PLD5: variants seen among roughly 807,000 people sequenced by gnomAD.
PLD5 encodes the protein phospholipase D family member 5.
PLD5 carries 36 observed loss-of-function variants against 61.1 expected under a neutral mutation model. The ratio of observed to expected loss-of-function variants is 0.59; its 90% CI spans 0.45 to 0.78. The LOEUF is 0.78. PLD5 is among the 30% of genes least tolerant of loss of function. The pLI, the probability that PLD5 is intolerant of heterozygous loss-of-function variation, is 0.00. For missense variants in PLD5, 515 were observed against 644.4 expected, an observed-to-expected ratio of 0.80 and a Z score of 2.17; for synonymous variants, 243 against 242.8, an observed-to-expected ratio of 1.00 and a Z score of -0.01.
At chr1:242,207,991 T>TACAAAC (rs1669547057) in intron 5 of PLD5, among the ~76,000 whole-genome samples, 1 of 40,286 alleles carries the variant, frequency 2.5e-5, no homozygotes, top group African/African-American at 1.5e-4. Flanking sequence ...TATATATTTA[T>TACAAAC]ACACACACAC....
intron 5 of PLD5, among the ~76,000 whole-genome samples, chr1:242,207,730 T>G: frequency 7.4e-6 from 1 of 135,628 alleles, no homozygotes; most frequent in Admixed American, 8.7e-5. Context: ...TTTATGGAAA[T>G]CGATGTTTTA....
intron 5 of PLD5, among the ~76,000 whole-genome samples, chr1:242,175,632 T>G (rs1320635042): frequency 6.6e-6 from 1 of 152,170 alleles, no homozygotes; most frequent in African/African-American, 2.4e-5. Context: ...TAAAGCGTAT[T>G]CAAATAGGAA....
At chr1:242,439,341 G>A (rs965116765) in intron 1 of PLD5, among the ~76,000 whole-genome samples, 18 of 152,122 alleles carry the variant, frequency 1.2e-4, no homozygotes, top group African/African-American at 4.3e-4. Context: ...AGTAACCTTG[G>A]CCATTCAGGG....
chr1:242,434,270 G>A (rs1263033535), intron 1 of PLD5, among the ~76,000 whole-genome samples: 1 of 152,212 alleles, frequency 6.6e-6, no homozygotes, highest in Non-Finnish European at 1.5e-5. Flanking sequence ...AAGAATTGCT[G>A]ATGGACTGCA....
chr1:242,482,278 C>T (rs971441082), intron 1 of PLD5, among the ~76,000 whole-genome samples: 2 of 152,250 alleles, frequency 1.3e-5, no homozygotes, highest in Admixed American at 6.5e-5. Flanking sequence ...GGAGCAAGTT[C>T]GAACCCATGG....
intron 2 of PLD5, among the ~76,000 whole-genome samples, chr1:242,290,990 C>T (rs1024723430): frequency 1.3e-5 from 2 of 152,174 alleles, no homozygotes; most frequent in African/African-American, 4.8e-5. Context: ...CCCGCCCCCA[C>T]ATGATTGACA....
At chr1:242,291,016 GGCCT>G (rs1163058013) in intron 2 of PLD5, among the ~76,000 whole-genome samples, 3 of 152,114 alleles carry the variant, frequency 2.0e-5, no homozygotes, top group African/African-American at 7.2e-5. Flanking sequence ...TTACCAGCCT[GGCCT>G]GCCTCTCTGC....
chr1:242,271,306 C>T (rs966465706), intron 3 of PLD5, among the ~76,000 whole-genome samples: 6 of 147,600 alleles, frequency 4.1e-5, no homozygotes, highest in African/African-American at 1.0e-4. Flanking sequence ...GCATGTGGCT[C>T]ATAGGCATAC....
chr1:242,187,943 C>G (rs1017004813), intron 5 of PLD5, among the ~76,000 whole-genome samples: 1 of 152,126 alleles, frequency 6.6e-6, no homozygotes, highest in East Asian at 1.9e-4. Context: ...TTGAATGTCA[C>G]GCTGAAGAGT....
chr1:242,495,132 G>A (rs1668327270), intron 1 of PLD5, among the ~76,000 whole-genome samples: 1 of 152,064 alleles, frequency 6.6e-6, no homozygotes, highest in African/African-American at 2.4e-5. Flanking sequence ...AGCAGAAGAT[G>A]ACATAAACTA....
intron 2 of PLD5, among the ~76,000 whole-genome samples, chr1:242,291,656 A>C (rs1433020806): frequency 1.3e-5 from 2 of 151,952 alleles, no homozygotes; most frequent in Non-Finnish European, 2.9e-5. Context: ...AATACAAAAA[A>C]TTAGCCAGGC....
At chr1:242,345,954 C>A (rs1463945140) in intron 2 of PLD5, among the ~76,000 whole-genome samples, 1 of 150,608 alleles carries the variant, frequency 6.6e-6, no homozygotes, top group Non-Finnish European at 1.5e-5. Flanking sequence ...AAACACAGGG[C>A]ACAGGGCAAG....
At chr1:242,418,269 T>C (rs1370248455) in intron 1 of PLD5, among the ~76,000 whole-genome samples, 1 of 152,130 alleles carries the variant, frequency 6.6e-6, no homozygotes, top group Non-Finnish European at 1.5e-5. Flanking sequence ...AAGAGAATTA[T>C]TGCAGGAGAA....
upstream of PLD5, among the ~76,000 whole-genome samples, chr1:242,527,427 C>T (rs771919684): frequency 1.5e-4 from 23 of 152,126 alleles, no homozygotes; most frequent in East Asian, 1.9e-4. Context: ...TGAGCCACCG[C>T]GCCCGGCCAA....
chr1:242,407,553 GTTGTT>G (rs1370606172), intron 1 of PLD5, among the ~76,000 whole-genome samples: 2 of 115,896 alleles, frequency 1.7e-5, no homozygotes, highest in African/African-American at 4.1e-5. Context: ...TTTTGTTGTG[GTTGTT>G]TTGTTTTTTT....
intron 2 of PLD5, among the ~76,000 whole-genome samples, chr1:242,316,803 C>A (rs2149180781): frequency 6.6e-6 from 1 of 151,730 alleles, no homozygotes; most frequent in African/African-American, 2.4e-5. Context: ...GTCTGTTGCT[C>A]CCCTCTTCGT....
intron 2 of PLD5, among the ~76,000 whole-genome samples, chr1:242,303,375 A>G (rs539528206): frequency 2.6e-5 from 4 of 152,372 alleles, no homozygotes; most frequent in African/African-American, 9.6e-5. Context: ...TTGGAGGCAA[A>G]CTAGGAAATG....
chr1:242,322,029 C>T (rs1361136103), intron 2 of PLD5, among the ~76,000 whole-genome samples: 1 of 152,154 alleles, frequency 6.6e-6, no homozygotes, highest in Non-Finnish European at 1.5e-5. Context: ...GGCATTAACA[C>T]AACAAATGTC....
intron 2 of PLD5, among the ~76,000 whole-genome samples, chr1:242,343,780 CA>C (rs68193025): frequency 0.41 from 59,134 of 143,048 alleles, 13,365 homozygotes; most frequent in Non-Finnish European, 0.53. Flanking sequence ...AAAAAAAATT[CA>C]AAAAAAAAAA....
Sources: allele counts gnomAD v4.1 joint callset (sites outside exome capture counted in the v4.1 genomes callset), GRCh38; gene constraint gnomAD v4.1.1; transcripts MANE v1.5; gene names NCBI Gene and HGNC (gene_info 2026-07-23, HGNC 2026-07-21).